Variants in CDYL observed in about 807,000 individuals in gnomAD.
CDYL encodes chromodomain Y-like protein.
CDYL carries 8 observed loss-of-function variants against 47.3 expected under a neutral mutation model. The ratio of observed to expected loss-of-function variants is 0.17; its 90% CI spans 0.10 to 0.31. The LOEUF is 0.31. Among genes scored for constraint, CDYL ranks in the 10% least tolerant of loss-of-function variants. The pLI is 1.00. For missense variants in CDYL, 471 were observed against 701.4 expected, an observed-to-expected ratio of 0.67 and a Z score of 3.71; for synonymous variants, 266 against 265.0, an observed-to-expected ratio of 1.00 and a Z score of -0.04.
At chr6:4,892,835 C>T (rs767244391) in intron 2 of CDYL, among the ~76,000 whole-genome samples, 21 of 152,220 alleles carry the variant, frequency 1.4e-4, no homozygotes, top group Non-Finnish European at 2.2e-4. Context: ...GCGTTGCTAA[C>T]CCAGCAGAGC....
chr6:4,909,446 T>C (rs1161738968), intron 2 of CDYL, among the ~76,000 whole-genome samples: 2 of 152,222 alleles, frequency 1.3e-5, no homozygotes, highest in African/African-American at 2.4e-5. Flanking sequence ...CATCAGTCTT[T>C]ATTGCCTTTT....
intron 1 of CDYL, among the ~76,000 whole-genome samples, chr6:4,858,423 A>G (rs139589823): frequency 2.6e-5 from 4 of 152,258 alleles, no homozygotes; most frequent in African/African-American, 7.2e-5. Context: ...CACTTCCACT[A>G]CTTGTCACAG....
chr6:4,775,633 C>T (rs555318851), upstream of CDYL, among the ~76,000 whole-genome samples: 338 of 151,164 alleles, frequency 2.2e-3, 1 homozygote, highest in African/African-American at 8.0e-3. This position sits in a 1 kb window ranked among gnomAD's most constrained non-coding sequence, Gnocchi z 7.0. Flanking sequence ...GCCCTCGCGC[C>T]GCCCTCCGCC....
intron 1 of CDYL, among the ~76,000 whole-genome samples, chr6:4,778,635 C>T (rs768909005): frequency 6.6e-5 from 10 of 152,104 alleles, no homozygotes; most frequent in African/African-American, 9.7e-5. Context: ...AAATGATACA[C>T]CTGCACAATT....
intron 1 of CDYL, among the ~76,000 whole-genome samples, chr6:4,842,047 T>C (rs1266805283): frequency 6.9e-6 from 1 of 144,910 alleles, no homozygotes; most frequent in Non-Finnish European, 1.5e-5. Flanking sequence ...TTTATATATA[T>C]TATATTAATA....
At chr6:4,877,049 C>T (rs545072582) in intron 1 of CDYL, among the ~76,000 whole-genome samples, 29 of 152,328 alleles carry the variant, frequency 1.9e-4, no homozygotes, top group Non-Finnish European at 3.5e-4. Context: ...AATGGGCCCT[C>T]GCCAGACACT....
intron 2 of CDYL, among the ~76,000 whole-genome samples, chr6:4,719,135 G>A (rs1757324613): frequency 6.6e-6 from 1 of 151,966 alleles, no homozygotes; most frequent in Middle Eastern, 3.2e-3. Context: ...ATGTTGGCCA[G>A]GCTGGTCTCG....
At chr6:4,712,687 C>T (rs561842718) in intron 1 of CDYL, among the ~76,000 whole-genome samples, 2 of 152,282 alleles carry the variant, frequency 1.3e-5, no homozygotes, top group African/African-American at 4.8e-5. Flanking sequence ...AGAGGAGATT[C>T]GGACTGTTAG....
intron 3 of CDYL, among the ~76,000 whole-genome samples, chr6:4,746,225 G>T (rs1405851667): frequency 6.6e-6 from 1 of 151,782 alleles, no homozygotes; most frequent in African/African-American, 2.4e-5. Context: ...CGAGCCAGGC[G>T]TGGTGGCACA....
chr6:4,827,259 C>T (rs1760006241), intron 1 of CDYL, among the ~76,000 whole-genome samples: 1 of 152,164 alleles, frequency 6.6e-6, no homozygotes, highest in Non-Finnish European at 1.5e-5. Context: ...CAGTCTCTGC[C>T]TTCTGTCAGA....
At chr6:4,790,753 A>G (rs1581168683) in intron 1 of CDYL, among the ~76,000 whole-genome samples, 2 of 152,254 alleles carry the variant, frequency 1.3e-5, no homozygotes, top group East Asian at 3.8e-4. Context: ...TAGAAAATGA[A>G]TAAGCTTTGT....
intron 1 of CDYL, among the ~76,000 whole-genome samples, chr6:4,711,741 A>G (rs1757156226): frequency 6.6e-6 from 1 of 152,172 alleles, no homozygotes; most frequent in Non-Finnish European, 1.5e-5. Context: ...AGCTGAGGCT[A>G]CAGGAGGGCA....
chr6:4,772,251 A>G (rs1758348319), upstream of CDYL, among the ~76,000 whole-genome samples: 1 of 152,218 alleles, frequency 6.6e-6, no homozygotes, highest in Non-Finnish European at 1.5e-5. Flanking sequence ...ACAACTAGTG[A>G]TATCTGGCCA....
chr6:4,784,979 G>T (rs1758715842), intron 1 of CDYL, among the ~76,000 whole-genome samples: 1 of 152,052 alleles, frequency 6.6e-6, no homozygotes. Flanking sequence ...TGATTGTGAG[G>T]CCCCCCCAGC....
chr6:4,829,537 G>A (rs138077204), intron 1 of CDYL, among the ~76,000 whole-genome samples: 161 of 152,288 alleles, frequency 1.1e-3, no homozygotes, highest in African/African-American at 3.7e-3. Flanking sequence ...CGTGCATCTT[G>A]CCCTGGGCTT....
In CDYL at chr6:4,902,328, C is replaced by T. The variant is rs555000506; in HGVS notation, c.691+9949C>T. On this transcript the variant is annotated intron_variant, in intron 2 of 6. Coordinates refer to ENST00000397588, the MANE Select transcript of CDYL (RefSeq NM_004824.4). ...GGCCAAGGCAGGAGAATCGCTTGAACCCGGGAGGCAGAGGTTGCAGTGAGC... is the reference window on the plus strand; with the variant it reads ...GGCCAAGGCAGGAGAATCGCTTGAATCCGGGAGGCAGAGGTTGCAGTGAGC... Among the ~76,000 whole-genome samples the T allele has an allele frequency of 6.6e-5, 10 of 151,882 alleles. No homozygotes were observed. The South Asian group carries it at 1.9e-3, about 28-fold the overall frequency.
At position 4,865,284 on chromosome 6, in the gene CDYL, C is replaced by T. The variant is rs1761289154; in HGVS notation, c.25-26429C>T. ...CCTTCCCGCCAAACTACTCATCCCGCCACTCGGGCTCATACCCCTTCTGTC... is the reference window on the plus strand; with the variant it reads ...CCTTCCCGCCAAACTACTCATCCCGTCACTCGGGCTCATACCCCTTCTGTC... On this transcript the variant is annotated intron_variant, in intron 1 of 6. Transcript: ENST00000397588. 2.6e-5 allele frequency among the ~76,000 whole-genome samples: 4 copies of T among 152,328 alleles called. No individual in the cohort carries two copies. In the South Asian group the frequency reaches 8.3e-4, roughly 32 times the overall value.
At chr6:4,787,765 CTTTTTTTTT>C (rs70974136) in intron 1 of CDYL, among the ~76,000 whole-genome samples, 6 of 69,410 alleles carry the variant, frequency 8.6e-5, no homozygotes, top group East Asian at 5.2e-4. Flanking sequence ...AAATTCAAGT[CTTTTTTTTT>C]TTTTTTTTTT....
chr6:4,898,864 C>T (rs1023983182), intron 2 of CDYL, among the ~76,000 whole-genome samples: 4 of 152,178 alleles, frequency 2.6e-5, no homozygotes, highest in African/African-American at 9.7e-5. Context: ...CGAACCAAGG[C>T]CCTTTCCAAG....
Sources: allele counts gnomAD v4.1 joint callset (sites outside exome capture counted in the v4.1 genomes callset), GRCh38; gene constraint gnomAD v4.1.1; non-coding constraint Gnocchi (gnomAD v3.1); transcripts MANE v1.5; gene names NCBI Gene and HGNC (gene_info 2026-07-23, HGNC 2026-07-21).